UBOX5: variants seen among roughly 807,000 people sequenced by gnomAD.
The protein encoded by UBOX5 is U-box domain containing 5.
In UBOX5, 28 loss-of-function variants were observed where a neutral mutation model predicts 39.0. That is an observed-to-expected ratio of 0.72 (90% CI 0.53 to 0.98). UBOX5 has a LOEUF of 0.98. Ranked by LOEUF, UBOX5 falls within the 50% of genes least tolerant of loss-of-function variation. UBOX5 has a pLI of 0.00. For synonymous variants in UBOX5, 283 were observed against 275.5 expected, an observed-to-expected ratio of 1.03 and a Z score of -0.27; for missense variants, 585 against 674.4, an observed-to-expected ratio of 0.87 and a Z score of 1.47.
chr20:3,108,376 G>A lies in UBOX5; in HGVS notation c.*1730C>T, dbSNP rs2066227454. On this transcript the variant is annotated 3_prime_UTR_variant, in exon 5 of 5. Transcript: ENST00000217173. ...ACCCACCTTGGCCTCCCAAAGTGCT[G>A]GGATAATAGGCATGAGCCACCATGC... The A allele has an allele frequency of 6.6e-6, 1 of 152,288 alleles. No homozygotes were observed. The highest frequency in any genetic ancestry group is 2.1e-4 in the South Asian group (1 of 4,828). 9.4% of individuals were successfully genotyped at this position (152,288 alleles called of 1,614,324 possible). A position where few individuals can be genotyped will look rare whatever the true frequency, so the allele number is the denominator to read the frequency against.
chr20:3,147,969 C>T lies in UBOX5; in HGVS notation c.-42+11797G>A, dbSNP rs149209962. On this transcript the variant is annotated intron_variant, in intron 1 of 4. Coordinates refer to ENST00000217173, the MANE Select transcript of UBOX5 (RefSeq NM_014948.4). ...TGCTTCATGAAATTGATGTGATCCA[C>T]GTGAGTGAAACGGAACATTTTAACA... is the stretch of plus-strand genomic sequence containing the variant. 53 of 1,614,178 alleles carry T rather than the reference C, an allele frequency of 3.3e-5. No homozygotes were observed. In the African/African-American group the frequency reaches 5.5e-4, roughly 17 times the overall value.
rs2066498293 is a variant in UBOX5 at position 3,139,476 on chromosome 20, C to G, written c.-41-16070G>C. On this transcript the variant is annotated intron_variant, in intron 1 of 4. Transcript: ENST00000217173. ...GCGATCTCGGCTCACTGCAACCTCC[C>G]CGTCGTGGGTTCAAGCGATTCTCCT... Among the ~76,000 whole-genome samples, 8 of 151,718 alleles carry G rather than the reference C, an allele frequency of 5.3e-5. No homozygotes were observed. In the South Asian group the frequency reaches 1.7e-3, roughly 32 times the overall value.
chr20:3,148,031 T>C (rs776490031), intron 1 of UBOX5: 2 of 1,614,078 alleles, frequency 1.2e-6, no homozygotes, highest in Admixed American at 3.3e-5. Flanking sequence ...ATGCTGAATG[T>C]TAGCACAAGC....
At chr20:3,154,286 C>A (rs532166827) in intron 1 of UBOX5, among the ~76,000 whole-genome samples, 1 of 152,144 alleles carries the variant, frequency 6.6e-6, no homozygotes, top group East Asian at 1.9e-4. Flanking sequence ...ACCGGATAAT[C>A]CGGGCATGAA....
At chr20:3,119,185 C>A (rs934231931) in intron 3 of UBOX5, among the ~76,000 whole-genome samples, 1 of 152,218 alleles carries the variant, frequency 6.6e-6, no homozygotes, top group South Asian at 2.1e-4. Context: ...CTGGAACGCA[C>A]AGCTCCCACA....
intron 1 of UBOX5, among the ~76,000 whole-genome samples, chr20:3,157,893 G>A (rs1176721688): frequency 6.6e-6 from 1 of 152,044 alleles, no homozygotes; most frequent in East Asian, 1.9e-4. Context: ...AGGAGTTTCA[G>A]AATTCTTTTG....
chr20:3,124,359 G>A (rs1220034644), intron 1 of UBOX5, among the ~76,000 whole-genome samples: 1 of 152,144 alleles, frequency 6.6e-6, no homozygotes, highest in Non-Finnish European at 1.5e-5. Context: ...TGCCTGCCTT[G>A]AGTGATCTGC....
In UBOX5 at chr20:3,115,292, G is replaced by A. The variant is rs1481225027; in HGVS notation, c.1417+13C>T. 6.2e-7 allele frequency: 1 copy of A among 1,606,390 alleles called. No homozygotes were observed. On this transcript the variant is annotated intron_variant, in intron 4 of 4. Coordinates refer to ENST00000217173, the MANE Select transcript of UBOX5 (RefSeq NM_014948.4). The stretch of plus-strand genomic sequence containing the variant: ...ATTCCAAGGCTCCAAGGAGATGGCG[G>A]GGCCCATGTTACCCGAGCCGGTGCC...
intron 1 of UBOX5, among the ~76,000 whole-genome samples, chr20:3,158,695 C>T (rs554879946): frequency 3.9e-5 from 6 of 152,054 alleles, no homozygotes; most frequent in Admixed American, 3.3e-4. Context: ...AAGATGGTCT[C>T]GATCTCCTGA....
At chr20:3,146,439 A>T (rs780963262) in intron 1 of UBOX5, 2 of 181,992 alleles carry the variant, frequency 1.1e-5, no homozygotes, top group Admixed American at 5.7e-5. Context: ...AATTGGCTTT[A>T]TATAATGTCT....
rs547825124 is a variant in UBOX5, at chr20:3,149,935, CT to C, written c.-42+9830del. On this transcript the variant is annotated intron_variant, in intron 1 of 4. Transcript: ENST00000217173. This position sits in a 1 kb window ranked among gnomAD's most constrained non-coding sequence, Gnocchi z 4.1. ...TCAGGAGGCTGAGGCAGGAGAATCC[CT>C]TGAACCCAGGAGGCAGAGGTTGCGG... Among the ~76,000 whole-genome samples, 604 of 151,682 alleles carry C rather than the reference CT, an allele frequency of 4.0e-3. 1 individual carries two copies. Among genetic ancestry groups the C allele is most frequent in the African/African-American group, 0.014 (571 of 41,296 alleles).
intron 1 of UBOX5, among the ~76,000 whole-genome samples, chr20:3,153,466 A>G (rs1346218963): frequency 6.6e-6 from 1 of 152,258 alleles, no homozygotes; most frequent in East Asian, 1.9e-4. Flanking sequence ...GAAAGAGACC[A>G]CAAGATTAAG....
intron 1 of UBOX5, among the ~76,000 whole-genome samples, chr20:3,153,701 C>T (rs532203559): frequency 1.3e-5 from 2 of 152,322 alleles, no homozygotes; most frequent in South Asian, 4.1e-4. Context: ...TTGAAAGTCC[C>T]TTCCACCTCT....
chr20:3,158,764 G>A (rs183792932), intron 1 of UBOX5, among the ~76,000 whole-genome samples: 1 of 152,344 alleles, frequency 6.6e-6, no homozygotes, highest in African/African-American at 2.4e-5. Context: ...GTGAGCCACT[G>A]TGTCCGGCCC....
At chr20:3,134,107 CAT>C (rs138131119) in intron 1 of UBOX5, among the ~76,000 whole-genome samples, 4 of 151,112 alleles carry the variant, frequency 2.6e-5, no homozygotes, top group African/African-American at 7.3e-5. Context: ...TATAGGTATG[CAT>C]ATATATATAT....
chr20:3,142,680 C>T (rs1487136642), intron 1 of UBOX5, among the ~76,000 whole-genome samples: 3 of 138,210 alleles, frequency 2.2e-5, no homozygotes, highest in Admixed American at 8.0e-5. Flanking sequence ...GGCTGAGGCA[C>T]GAGAATCGCT....
chr20:3,152,267 G>A (rs1391863003), intron 1 of UBOX5, among the ~76,000 whole-genome samples: 8 of 151,332 alleles, frequency 5.3e-5, no homozygotes, highest in African/African-American at 1.9e-4. Context: ...GATCTATGAG[G>A]TCAGGCATTC....
chr20:3,150,759 A>C (rs1432817346), intron 1 of UBOX5: 1 of 152,240 alleles, frequency 6.6e-6, no homozygotes, highest in African/African-American at 2.4e-5. Flanking sequence ...GCTCTGTTCC[A>C]GTAGCCCAGC....
At chr20:3,151,713 T>G (rs2066627021) in intron 1 of UBOX5, 2 of 152,016 alleles carry the variant, frequency 1.3e-5, no homozygotes, top group Admixed American at 6.5e-5. Context: ...AATAATGTTT[T>G]TCTTTAATAT....
Sources: allele counts gnomAD v4.1 joint callset (sites outside exome capture counted in the v4.1 genomes callset), GRCh38; gene constraint gnomAD v4.1.1; non-coding constraint Gnocchi (gnomAD v3.1); transcripts MANE v1.5; gene names NCBI Gene and HGNC (gene_info 2026-07-23, HGNC 2026-07-21).